Variants in METTL13 observed in about 807,000 individuals in gnomAD.
The protein encoded by METTL13 is eEF1A lysine and N-terminal methyltransferase.
In METTL13, 52 loss-of-function variants were observed where a neutral mutation model predicts 67.4. The ratio of observed to expected loss-of-function variants is 0.77; its 90% CI spans 0.62 to 0.97. The LOEUF (loss-of-function observed/expected upper bound fraction) is 0.97, where lower values mean the gene tolerates loss of function less well. Ranked by LOEUF, METTL13 falls within the 50% of genes least tolerant of loss-of-function variation. METTL13 has a pLI of 0.00. For missense variants in METTL13, 825 were observed against 889.6 expected, an observed-to-expected ratio of 0.93 and a Z score of 0.92; for synonymous variants, 354 against 353.6, an observed-to-expected ratio of 1.00 and a Z score of -0.01.
Position 171,796,730 on chromosome 1 carries a change from A to G in METTL13, c.2074A>G (p.Met692Val). The G allele has an allele frequency of 1.2e-6, 2 of 1,614,174 alleles. No homozygotes were observed. The highest frequency in any genetic ancestry group is 1.7e-6 in the Non-Finnish European group (2 of 1,180,030). The change falls in exon 8 of 8, where the codon ATG (methionine) becomes GTG (valine). Residue 692 changes from methionine (M) to valine (V), a missense_variant. By Grantham distance (21) the Met-to-Val change is conservative (BLOSUM62 1). Transcript: ENST00000361735. ...GWDDTYVLSD[M>V]LKTVKIV ...GGATGACACGTATGTCTTGTCAGAT[A>G]TGCTCAAGACGGTGAAAATTGTGTG...
chr1:171,789,483 G>C (rs142020639), intron 4 of METTL13, among the ~76,000 whole-genome samples: 22 of 152,282 alleles, frequency 1.4e-4, no homozygotes, highest in Admixed American at 2.0e-4. Context: ...GAGACAGGCA[G>C]TCCGAGGATC....
intron 7 of METTL13, 119 bp from the exon 8 acceptor site, chr1:171,796,363 G>C: frequency 8.3e-7 from 1 of 1,198,256 alleles, no homozygotes; most frequent in Non-Finnish European, 1.2e-6. Flanking sequence ...CATCACCACC[G>C]TGTGTTTTAG....
In METTL13 at chr1:171,787,738, C is replaced by G; in HGVS notation, c.1117C>G (p.Pro373Ala). 6.2e-7 allele frequency: 1 copy of G among 1,610,280 alleles called. No individual in the cohort carries two copies. Residue 373 changes from proline (P) to alanine (A), a missense_variant, in exon 4 of 8, where the codon CCC becomes GCC. Physicochemically the swap from Pro to Ala is conservative, Grantham distance 27 (BLOSUM62 -1). Coordinates refer to ENST00000361735, the MANE Select transcript of METTL13 (RefSeq NM_015935.5). ...PAGMPTQQQVPFLSVGGDIGV... is the reference protein window; with the variant it reads ...PAGMPTQQQVAFLSVGGDIGV... The stretch of plus-strand genomic sequence containing the variant: ...ACATCTCTGGTTGTACCTTCAGGTC[C>G]CCTTTCTGTCTGTGGGTGGGGACAT...
In METTL13 at chr1:171,796,743, T is replaced by C; in HGVS notation, c.2087T>C (p.Val696Ala). 6.2e-7 allele frequency: 1 copy of C among 1,613,644 alleles called. No individual in the cohort carries two copies. ...GTCTTGTCAGATATGCTCAAGACGG[T>C]GAAAATTGTGTGACTGCTTAGGCCA... Reference protein sequence around the residue: ...TYVLSDMLKTVKIV With the variant: ...TYVLSDMLKTAKIV The change falls in exon 8 of 8, where the codon GTG becomes GCG. Residue 696 changes from valine to alanine, a missense_variant. Physicochemically the swap from Val to Ala is moderately conservative, Grantham distance 64. Transcript: ENST00000361735.
intron 3 of METTL13, 31 bp from the exon 4 acceptor site, chr1:171,787,704 G>T (rs769349061): frequency 6.3e-7 from 1 of 1,597,034 alleles, no homozygotes; most frequent in Non-Finnish European, 8.6e-7. Context: ...ATGAGCTGCT[G>T]TTTTGACCAC....
chr1:171,794,134 C>T (rs1156831390), intron 6 of METTL13, among the ~76,000 whole-genome samples: 3 of 152,070 alleles, frequency 2.0e-5, no homozygotes, highest in Non-Finnish European at 4.4e-5. Context: ...CAAAGGGGAC[C>T]CCAGTAATGT....
Position 171,794,513 on chromosome 1 carries a change from T to A in METTL13, c.1811T>A (p.Ile604Asn). Residue 604 changes from isoleucine to asparagine, a missense_variant, in exon 7 of 8, where the codon ATC (isoleucine) becomes AAC (asparagine). Coordinates refer to ENST00000361735, the MANE Select transcript of METTL13 (RefSeq NM_015935.5). ...TCTTTTCTACAGAAGGTTAAAAGCA[T>A]CTTGACTCCTGAAGGTATGGAGAAC... Reference protein sequence around the residue: ...EQSFLQKVKSILTPEGVFILN... With the variant: ...EQSFLQKVKSNLTPEGVFILN... 2 of 1,614,222 alleles carry A rather than the reference T, an allele frequency of 1.2e-6. No individual in the cohort carries two copies. Among genetic ancestry groups the A allele is most frequent in the Non-Finnish European group, 1.7e-6 (2 of 1,180,032 alleles).
chr1:171,796,556 T>C lies in METTL13; in HGVS notation c.1900T>C (p.Phe634Leu). The C allele has an allele frequency of 6.2e-7, 1 of 1,614,180 alleles. No homozygotes were observed. ...AGTGCTGGCTGGGCTCAAGGCAGTGTTCCCCCTCCTATATGTCCGGCGAAT... is the reference window on the plus strand; with the variant it reads ...AGTGCTGGCTGGGCTCAAGGCAGTGCTCCCCCTCCTATATGTCCGGCGAAT... Reference protein sequence around the residue: ...DSVLAGLKAVFPLLYVRRIEG... With the variant: ...DSVLAGLKAVLPLLYVRRIEG... Residue 634 changes from phenylalanine to leucine, a missense_variant, in exon 8 of 8, where the codon TTC (phenylalanine) becomes CTC (leucine). Phe to Leu is a conservative substitution (Grantham distance 22, BLOSUM62 0). Transcript: ENST00000361735.
intron 4 of METTL13, among the ~76,000 whole-genome samples, chr1:171,790,040 G>A (rs1657151045): frequency 6.6e-6 from 1 of 152,170 alleles, no homozygotes; most frequent in African/African-American, 2.4e-5. Flanking sequence ...CATTTGGTGA[G>A]GCTTCAGGAA....
At position 171,796,924 on chromosome 1, in the gene METTL13, A is replaced by G; in HGVS notation, c.*168A>G. 1 of 848,806 alleles carries G rather than the reference A, an allele frequency of 1.2e-6. No homozygotes were observed. The highest frequency in any genetic ancestry group is 1.8e-6 in the Non-Finnish European group (1 of 564,820). The allele number at this position is 848,806 out of a possible 1,614,324, so 52.6% of individuals were successfully genotyped here. On this transcript the variant is annotated 3_prime_UTR_variant, in exon 8 of 8. Coordinates refer to ENST00000361735, the MANE Select transcript of METTL13 (RefSeq NM_015935.5). ...GTGAGGTTGCCTGAAGATTAGGGAA[A>G]ATAAAAATGTCCTTCCCATCTTGTC...
chr1:171,791,793 T>C (rs548768595), intron 5 of METTL13, among the ~76,000 whole-genome samples: 2 of 152,220 alleles, frequency 1.3e-5, no homozygotes, highest in South Asian at 2.1e-4. Context: ...ACAATAATAA[T>C]AACACACTAG....
At chr1:171,794,929 C>T (rs550092538) in intron 7 of METTL13, among the ~76,000 whole-genome samples, 1 of 152,254 alleles carries the variant, frequency 6.6e-6, no homozygotes, top group Non-Finnish European at 1.5e-5. Context: ...AAGGAATCCT[C>T]CCACCTCAGT....
Position 171,781,680 on chromosome 1 carries a change from T to C in METTL13, c.-288T>C. On this transcript the variant is annotated 5_prime_UTR_variant, in exon 1 of 8. Transcript: ENST00000361735. Reference sequence around the variant, plus strand: ...TTCGCACCCGGATATGGTTATGGGCTCGGAAATCTAGTTCGGGAAAAGTGT... The same window carrying C: ...TTCGCACCCGGATATGGTTATGGGCCCGGAAATCTAGTTCGGGAAAAGTGT... 1 of 942,768 alleles carries C rather than the reference T, an allele frequency of 1.1e-6. No individual in the cohort carries two copies. The highest frequency in any genetic ancestry group is 1.4e-6 in the Non-Finnish European group (1 of 726,276). 58.4% of individuals were successfully genotyped at this position (942,768 alleles called of 1,614,324 possible).
At chr1:171,783,621 T>C in intron 1 of METTL13, 119 bp from the exon 2 acceptor site, 1 of 1,164,304 alleles carries the variant, frequency 8.6e-7, no homozygotes, top group Non-Finnish European at 1.2e-6. Flanking sequence ...TCTCTGGCAG[T>C]AGCGTCTCCA....
rs373455201 is a variant in METTL13, at chr1:171,784,049, C to T, written c.463C>T (p.Arg155Cys). ...EVGRVLQVGG[R>C]YLCISLAQAH... ...TGGCCGTGTCCTGCAGGTGGGCGGTCGCTATCTCTGCATCTCCCTGGCTCA... is the reference window on the plus strand; with the variant it reads ...TGGCCGTGTCCTGCAGGTGGGCGGTTGCTATCTCTGCATCTCCCTGGCTCA... The change falls in exon 2 of 8, where the codon CGC becomes TGC. Residue 155 changes from arginine (R) to cysteine (C), a missense_variant. Coordinates refer to ENST00000361735, the MANE Select transcript of METTL13 (RefSeq NM_015935.5). 21 of 1,614,146 alleles carry T rather than the reference C, an allele frequency of 1.3e-5. No individual in the cohort carries two copies. The highest frequency in any genetic ancestry group is 1.6e-5 in the Non-Finnish European group (19 of 1,180,024).
rs1050605947 is a variant in METTL13, at chr1:171,796,996, G to A, written c.*240G>A. ...GGTTTGTCTTTGCTTCCTACACCAC[G>A]TCCTTGAGTGGAGTTCCCTGCTGAA... is the stretch of plus-strand genomic sequence containing the variant. On this transcript the variant is annotated 3_prime_UTR_variant, in exon 8 of 8. Coordinates refer to ENST00000361735, the MANE Select transcript of METTL13 (RefSeq NM_015935.5). The A allele has an allele frequency of 6.0e-6, 3 of 500,392 alleles. No homozygotes were observed. The highest frequency in any genetic ancestry group is 1.1e-5 in the Non-Finnish European group (3 of 277,886). 31.0% of individuals were successfully genotyped at this position (500,392 alleles called of 1,614,324 possible).
rs1194729581 is a variant in METTL13, at chr1:171,781,919, C to A, written c.-49C>A. On this transcript the variant is annotated 5_prime_UTR_variant, in exon 1 of 8. Transcript: ENST00000361735. Reference sequence around the variant, plus strand: ...GGTGGGCAAGCTCCTCAAATGGTATCTCACAGGGAATAGGGGAGTCTTGAA... The same window carrying A: ...GGTGGGCAAGCTCCTCAAATGGTATATCACAGGGAATAGGGGAGTCTTGAA... 3 of 1,607,846 alleles carry A rather than the reference C, an allele frequency of 1.9e-6. No individual in the cohort carries two copies. The highest frequency in any genetic ancestry group is 2.6e-6 in the Non-Finnish European group (3 of 1,176,456).
At chr1:171,783,363 G>C (rs1026260297) in intron 1 of METTL13, among the ~76,000 whole-genome samples, 1 of 152,198 alleles carries the variant, frequency 6.6e-6, no homozygotes, top group African/African-American at 2.4e-5. Flanking sequence ...CATGAGTAGA[G>C]TGAGGAAATA....
chr1:171,782,714 G>C (rs941661207), intron 1 of METTL13, among the ~76,000 whole-genome samples: 1 of 152,172 alleles, frequency 6.6e-6, no homozygotes, highest in Non-Finnish European at 1.5e-5. Context: ...ACCTGCAGCA[G>C]GTGTGACTTT....
Sources: allele counts gnomAD v4.1 joint callset (sites outside exome capture counted in the v4.1 genomes callset), GRCh38; gene constraint gnomAD v4.1.1; transcripts MANE v1.5; gene names NCBI Gene and HGNC (gene_info 2026-07-23, HGNC 2026-07-21).